The following OLFM3 variants were observed in gnomAD, a reference collection of about 807,000 sequenced individuals.
OLFM3 encodes olfactomedin 3.
In OLFM3, 20 loss-of-function variants were observed where a neutral mutation model predicts 48.6. That is an observed-to-expected ratio of 0.41 (90% confidence interval 0.29 to 0.60). OLFM3 has a LOEUF of 0.60. OLFM3 is among the 20% of genes least tolerant of loss of function. The pLI, the probability that OLFM3 is intolerant of heterozygous loss-of-function variation, is 0.28. For synonymous variants in OLFM3, 222 were observed against 198.1 expected, an observed-to-expected ratio of 1.12 and a Z score of -1.01; for missense variants, 437 against 544.3, an observed-to-expected ratio of 0.80 and a Z score of 1.96.
At chr1:101,943,787 T>C (rs1659865388) in intron 1 of OLFM3, among the ~76,000 whole-genome samples, 1 of 152,140 alleles carries the variant, frequency 6.6e-6, no homozygotes, top group Non-Finnish European at 1.5e-5. Flanking sequence ...CCATTAAGTG[T>C]GTATTTGCAC....
At chr1:101,904,085 G>A (rs1658479201) in intron 1 of OLFM3, among the ~76,000 whole-genome samples, 1 of 152,068 alleles carries the variant, frequency 6.6e-6, no homozygotes, top group African/African-American at 2.4e-5. Flanking sequence ...ATTTACTAGA[G>A]AATATGGGCA....
At chr1:101,851,857 C>A (rs1234283908) in intron 1 of OLFM3, among the ~76,000 whole-genome samples, 1 of 152,102 alleles carries the variant, frequency 6.6e-6, no homozygotes, top group Non-Finnish European at 1.5e-5. Flanking sequence ...GACAATCATG[C>A]ATAAGAATTA....
chr1:101,941,276 A>G (rs1482011838), intron 1 of OLFM3, among the ~76,000 whole-genome samples: 1 of 152,148 alleles, frequency 6.6e-6, no homozygotes, highest in Admixed American at 6.5e-5. Flanking sequence ...GCAGCATTAC[A>G]GCAGGGAGAC....
At chr1:101,835,804 C>A (rs912238386) in intron 2 of OLFM3, among the ~76,000 whole-genome samples, 40 of 152,226 alleles carry the variant, frequency 2.6e-4, no homozygotes, top group African/African-American at 9.1e-4. Flanking sequence ...GAGAAACAGA[C>A]TAAGCTTTAT....
intron 1 of OLFM3, among the ~76,000 whole-genome samples, chr1:101,944,645 C>A (rs549040760): frequency 6.6e-6 from 1 of 152,050 alleles, no homozygotes; most frequent in African/African-American, 2.4e-5. Flanking sequence ...TTTGGGAGTC[C>A]GAGGTGTGCA....
intron 1 of OLFM3, among the ~76,000 whole-genome samples, chr1:101,852,010 G>A (rs1196594744): frequency 6.6e-6 from 1 of 151,996 alleles, no homozygotes; most frequent in Non-Finnish European, 1.5e-5. Flanking sequence ...TGAGTAGACA[G>A]CCCTAGGTTA....
chr1:101,903,977 CT>C, intron 1 of OLFM3, among the ~76,000 whole-genome samples: 1 of 152,048 alleles, frequency 6.6e-6, no homozygotes, highest in South Asian at 2.1e-4. Flanking sequence ...ATTTTTATTA[CT>C]TTTTTATTCA....
chr1:101,957,107 A>C (rs961106074), intron 1 of OLFM3, among the ~76,000 whole-genome samples: 7 of 151,998 alleles, frequency 4.6e-5, no homozygotes, highest in African/African-American at 1.7e-4. Flanking sequence ...TTTTAGTTCC[A>C]CAAGACCTCT....
chr1:101,819,642 T>C (rs1025750987), intron 4 of OLFM3, among the ~76,000 whole-genome samples: 2 of 151,976 alleles, frequency 1.3e-5, no homozygotes, highest in African/African-American at 4.8e-5. Context: ...TAGCCTCTTT[T>C]TTTTCTACAA....
chr1:101,816,154 A>T (rs1468987538), intron 4 of OLFM3, among the ~76,000 whole-genome samples: 1 of 152,234 alleles, frequency 6.6e-6, no homozygotes, highest in Non-Finnish European at 1.5e-5. Flanking sequence ...ACTGCTGATT[A>T]CAAAACTCAG....
intron 1 of OLFM3, among the ~76,000 whole-genome samples, chr1:101,854,260 T>C (rs1656334438): frequency 6.6e-6 from 1 of 152,050 alleles, no homozygotes; most frequent in Non-Finnish European, 1.5e-5. Context: ...GGACCATTTG[T>C]AGGTCCTAGA....
At chr1:101,924,168 C>T (rs1470027818) in intron 1 of OLFM3, among the ~76,000 whole-genome samples, 1 of 152,082 alleles carries the variant, frequency 6.6e-6, no homozygotes, top group East Asian at 1.9e-4. Flanking sequence ...ATTTAAACAT[C>T]AATTGACACG....
intron 1 of OLFM3, among the ~76,000 whole-genome samples, chr1:101,882,008 G>A (rs11804996): frequency 0.59 from 89,448 of 150,976 alleles, 27,107 homozygotes; most frequent in African/African-American, 0.7. Context: ...ACTGTTGGAT[G>A]CTTATAATCA....
intron 1 of OLFM3, among the ~76,000 whole-genome samples, chr1:101,984,123 C>A (rs1244677922): frequency 6.6e-6 from 1 of 151,914 alleles, no homozygotes; most frequent in Non-Finnish European, 1.5e-5. Flanking sequence ...ACTTGTAATG[C>A]CAGCTACTTG....
At chr1:101,862,467 G>T (rs890588185) in intron 1 of OLFM3, among the ~76,000 whole-genome samples, 2 of 152,168 alleles carry the variant, frequency 1.3e-5, no homozygotes, top group Non-Finnish European at 2.9e-5. Context: ...TTATTGTTTA[G>T]CTGTACTTTC....
At chr1:101,945,132 A>G (rs554883303) in intron 1 of OLFM3, among the ~76,000 whole-genome samples, 20 of 152,314 alleles carry the variant, frequency 1.3e-4, no homozygotes, top group African/African-American at 4.8e-4. Context: ...ATATACATAT[A>G]CCATATTAGA....
chr1:101,844,487 C>T (rs1402546268), intron 1 of OLFM3, among the ~76,000 whole-genome samples: 1 of 152,164 alleles, frequency 6.6e-6, no homozygotes, highest in Non-Finnish European at 1.5e-5. Flanking sequence ...AGTCATGTAA[C>T]TTGGTTCCAC....
intron 1 of OLFM3, among the ~76,000 whole-genome samples, chr1:101,858,594 G>A (rs1225802457): frequency 6.6e-6 from 1 of 151,974 alleles, no homozygotes; most frequent in African/African-American, 2.4e-5. Context: ...GGGGCCTGGT[G>A]GGAGGTGATT....
intron 1 of OLFM3, among the ~76,000 whole-genome samples, chr1:101,862,993 G>GTTTT (rs5776596): frequency 1.4e-5 from 2 of 142,472 alleles, no homozygotes; most frequent in Non-Finnish European, 3.1e-5. Context: ...TATGTAATTA[G>GTTTT]TTTTTTTTTT....
Sources: gnomAD v4.1 joint callset for allele counts (sites outside exome capture counted in the v4.1 genomes callset) on GRCh38, gnomAD v4.1.1 for gene constraint, MANE v1.5 for transcripts, NCBI Gene and HGNC (gene_info 2026-07-23, HGNC 2026-07-21) for gene names.